Variants in SH3GL3 observed in about 807,000 individuals in gnomAD.
SH3GL3 encodes endophilin-A3.
A neutral mutation model predicts 47.7 loss-of-function variants in SH3GL3; 33 were observed. The ratio of observed to expected loss-of-function variants is 0.69; its 90% CI spans 0.52 to 0.92. SH3GL3 has a LOEUF of 0.92. SH3GL3 is among the 40% of genes least tolerant of loss of function. The pLI, the probability that SH3GL3 is intolerant of heterozygous loss-of-function variation, is 0.00. For synonymous variants in SH3GL3, 155 were observed against 148.8 expected (o/e 1.04, Z -0.30); for missense variants, 363 against 417.8 (o/e 0.87, Z 1.14).
At chr15:83,494,744 T>C (rs1021367858) in intron 1 of SH3GL3, among the ~76,000 whole-genome samples, 1 of 152,142 alleles carries the variant, frequency 6.6e-6, no homozygotes, top group Admixed American at 6.6e-5. Flanking sequence ...GGTTTCACCA[T>C]GTTGGCCAGG....
chr15:83,468,533 T>G (rs1300549964), intron 1 of SH3GL3, among the ~76,000 whole-genome samples: 3 of 152,182 alleles, frequency 2.0e-5, no homozygotes, highest in Non-Finnish European at 4.4e-5. Context: ...GTGAGGAAAT[T>G]TCCCTGTATT....
At chr15:83,497,727 A>C (rs182786822) in intron 1 of SH3GL3, among the ~76,000 whole-genome samples, 31 of 152,244 alleles carry the variant, frequency 2.0e-4, no homozygotes, top group African/African-American at 7.5e-4. Context: ...CTGTCAACCA[A>C]TGTAATCTAC....
chr15:83,627,598 CT>C, the SH3GL3 span, among the ~76,000 whole-genome samples: 100 of 151,378 alleles, frequency 6.6e-4, no homozygotes, highest in African/African-American at 2.3e-3. Context: ...ATCTAGACAA[CT>C]TTTTTTTTAT....
intron 1 of SH3GL3, among the ~76,000 whole-genome samples, chr15:83,498,831 C>T (rs1327654633): frequency 6.6e-6 from 1 of 152,154 alleles, no homozygotes; most frequent in Non-Finnish European, 1.5e-5. Flanking sequence ...GTACTGCTTC[C>T]ATGTTGTCAA....
At chr15:83,602,681 G>A (rs2060418113) in intron 8 of SH3GL3, among the ~76,000 whole-genome samples, 1 of 152,172 alleles carries the variant, frequency 6.6e-6, no homozygotes, top group Admixed American at 6.5e-5. Context: ...TACACTGCAT[G>A]TACCAGTCCA....
intron 8 of SH3GL3, chr15:83,609,405 A>G (rs2060607310): frequency 2.3e-6 from 1 of 444,366 alleles, no homozygotes; most frequent in Non-Finnish European, 4.5e-6. Flanking sequence ...AAGCAGGAAC[A>G]AAAACACTCA....
chr15:83,598,237 C>T (rs2060283386), intron 8 of SH3GL3, among the ~76,000 whole-genome samples: 1 of 152,130 alleles, frequency 6.6e-6, no homozygotes, highest in African/African-American at 2.4e-5. Flanking sequence ...GGTACAAACC[C>T]AGGATGAGTG....
At chr15:83,576,388 C>T (rs1412877197) in intron 5 of SH3GL3, among the ~76,000 whole-genome samples, 195 bp from the exon 6 acceptor site, 2 of 152,190 alleles carry the variant, frequency 1.3e-5, no homozygotes, top group Non-Finnish European at 2.9e-5. Flanking sequence ...ATTCATTCCA[C>T]AAATATTCCT....
intron 1 of SH3GL3, among the ~76,000 whole-genome samples, chr15:83,450,939 A>C: frequency 8.5e-6 from 1 of 117,704 alleles, no homozygotes; most frequent in African/African-American, 3.2e-5. Flanking sequence ...ATATCTCCCA[A>C]TGCTATCCCT....
At chr15:83,626,057 C>T in the SH3GL3 span, among the ~76,000 whole-genome samples, 2 of 152,222 alleles carry the variant, frequency 1.3e-5, no homozygotes, top group Non-Finnish European at 2.9e-5. Flanking sequence ...GTTTTGAACT[C>T]CTGACCTCAG....
At chr15:83,547,313 C>CTAGG (rs78648596) in intron 1 of SH3GL3, among the ~76,000 whole-genome samples, 19,355 of 152,200 alleles carry the variant, frequency 0.13, 1,319 homozygotes, top group Middle Eastern at 0.19. Context: ...GTGGGAAACA[C>CTAGG]TAGGAAAGGC....
At chr15:83,607,875 ATAAT>A (rs2060564324) in intron 8 of SH3GL3, among the ~76,000 whole-genome samples, 3 of 149,166 alleles carry the variant, frequency 2.0e-5, no homozygotes, top group Non-Finnish European at 3.0e-5. Context: ...AATAATAATA[ATAAT>A]ACAAACAACA....
intron 1 of SH3GL3, among the ~76,000 whole-genome samples, chr15:83,533,206 G>A (rs927093373): frequency 3.3e-5 from 5 of 152,190 alleles, no homozygotes; most frequent in Admixed American, 1.3e-4. Context: ...AGAAAGGGTG[G>A]TAGCCAGAGT....
chr15:83,453,558 G>A (rs1030075931), intron 1 of SH3GL3, among the ~76,000 whole-genome samples: 1 of 151,620 alleles, frequency 6.6e-6, no homozygotes, highest in Non-Finnish European at 1.5e-5. Flanking sequence ...GTCGAGGAAT[G>A]TATCCATTTC....
In SH3GL3 at chr15:83,575,604, C is replaced by T. The variant is rs111260070; in HGVS notation, c.466-979C>T. On this transcript the variant is annotated intron_variant, in intron 5 of 8. Transcript: ENST00000427482. ...GACATACGGCTGACTTTCAGGTGTT[C>T]ATGTAGAGGTACAGAGGGATTAGGG... 4.1e-4 allele frequency among the ~76,000 whole-genome samples: 63 copies of T among 152,226 alleles called. 1 individual carries two copies. Among genetic ancestry groups the T allele is most frequent in the African/African-American group, 1.4e-3 (59 of 41,528 alleles).
chr15:83,509,605 C>T (rs2042661641), intron 1 of SH3GL3, among the ~76,000 whole-genome samples: 1 of 152,122 alleles, frequency 6.6e-6, no homozygotes, highest in South Asian at 2.1e-4. Flanking sequence ...CCAGGTTGGT[C>T]AGTACTGGTT....
Position 83,576,574 on chromosome 15 carries a change from T to G in SH3GL3, c.466-9T>G, listed in dbSNP as rs1265693666. On this transcript the variant is annotated splice_polypyrimidine_tract_variant and intron_variant, in intron 5 of 8. Transcript: ENST00000427482. ...CACCTCTCTGAGGGACTCCATTCTC[T>G]TTTTTTAGCATCACCTGAAAAAGCT... 2 of 1,594,436 alleles carry G rather than the reference T, an allele frequency of 1.3e-6. No homozygotes were observed. The highest frequency in any genetic ancestry group is 1.7e-6 in the Non-Finnish European group (2 of 1,173,494).
In SH3GL3 at chr15:83,447,615, C is replaced by G; in HGVS notation, c.45+37C>G. The G allele has an allele frequency of 7.0e-7, 1 of 1,423,936 alleles. No individual in the cohort carries two copies. Among genetic ancestry groups the G allele is most frequent in the Non-Finnish European group, 9.4e-7 (1 of 1,062,386 alleles). The allele number at this position is 1,423,936 out of a possible 1,614,324, so 88.2% of individuals were successfully genotyped here. A position where few individuals can be genotyped will look rare whatever the true frequency, so the allele number is the denominator to read the frequency against. On this transcript the variant is annotated intron_variant, in intron 1 of 8. Transcript: ENST00000427482. This position sits in a 1 kb window ranked among gnomAD's most constrained non-coding sequence, Gnocchi z 5.1. ...CAGAGGAGGGAAGGAGGGAGGGGGA[C>G]GCGGAGGCTGCGGCCCCCCGAGGCT...
intron 1 of SH3GL3, among the ~76,000 whole-genome samples, chr15:83,488,959 C>G (rs1370562670): frequency 6.6e-6 from 1 of 152,222 alleles, no homozygotes; most frequent in Non-Finnish European, 1.5e-5. Context: ...ACCATGTTGG[C>G]TTTTGGACAA....
Sources: allele counts gnomAD v4.1 joint callset (sites outside exome capture counted in the v4.1 genomes callset), GRCh38; gene constraint gnomAD v4.1.1; non-coding constraint Gnocchi (gnomAD v3.1); transcripts MANE v1.5; gene names NCBI Gene and HGNC (gene_info 2026-07-23, HGNC 2026-07-21).